The following IDE variants were observed in gnomAD, a reference collection of about 807,000 sequenced individuals.
IDE encodes insulin-degrading enzyme.
Under a neutral mutation model 133.2 loss-of-function variants are expected in IDE, and 58 were observed. That is an observed-to-expected ratio of 0.44 (90% CI 0.35 to 0.54). IDE has a LOEUF of 0.54. IDE is among the 20% of genes least tolerant of loss of function. IDE has a pLI of 0.00. For missense variants in IDE, 981 were observed against 1,234.0 expected, an observed-to-expected ratio of 0.79 and a Z score of 3.07; for synonymous variants, 396 against 421.3, an observed-to-expected ratio of 0.94 and a Z score of 0.73.
chr10:92,458,068 G>A (rs550218930), intron 22 of IDE, among the ~76,000 whole-genome samples: 11 of 152,132 alleles, frequency 7.2e-5, no homozygotes, highest in African/African-American at 2.7e-4. Context: ...GCAGACAGCA[G>A]AACACCTTCT....
chr10:92,537,315 C>T (rs993982348), intron 2 of IDE, 51 bp downstream of exon 2: 1 of 1,393,948 alleles, frequency 7.2e-7, no homozygotes, highest in African/African-American at 1.4e-5. Context: ...TAAATGTCAG[C>T]ATTAGGTCAA....
At chr10:92,493,796 A>G (rs1239108874) in intron 11 of IDE, among the ~76,000 whole-genome samples, 1 of 152,188 alleles carries the variant, frequency 6.6e-6, no homozygotes, top group Non-Finnish European at 1.5e-5. Flanking sequence ...GTATATCATT[A>G]AGGAATTCCA....
intron 2 of IDE, among the ~76,000 whole-genome samples, chr10:92,536,899 A>C (rs948268707): frequency 1.3e-5 from 2 of 150,312 alleles, no homozygotes; most frequent in African/African-American, 2.5e-5. Flanking sequence ...TTAGCTGGGC[A>C]TGGAGGCCCA....
At chr10:92,505,003 C>T in intron 10 of IDE, 106 bp from the exon 11 acceptor site, 3 of 572,666 alleles carry the variant, frequency 5.2e-6, no homozygotes, top group Non-Finnish European at 8.9e-6. Flanking sequence ...CCCTTTCTCT[C>T]TTCAGTTAAA....
intron 4 of IDE, among the ~76,000 whole-genome samples, chr10:92,520,122 C>A (rs1013471533): frequency 1.3e-5 from 2 of 152,144 alleles, no homozygotes; most frequent in East Asian, 3.9e-4. Context: ...AATAAATAAT[C>A]CATGTTAAGG....
rs1843431540 is a variant in IDE at position 92,564,617 on chromosome 10, T to C, written c.98+9305A>G. Among the ~76,000 whole-genome samples the C allele has an allele frequency of 2.4e-5, 3 of 125,662 alleles. No homozygotes were observed. The East Asian group carries it at 7.3e-4, about 31-fold the overall frequency. The allele number at this position is 125,662 out of a possible 152,430, so 82.4% of individuals were successfully genotyped here. A position where few individuals can be genotyped will look rare whatever the true frequency, so the allele number is the denominator to read the frequency against. Reference sequence around the variant, plus strand: ...TGAACACGAGAGACAGGGGTTGCAGTAAGCCGAGACTGCGCCACTGCATTC... The same window carrying C: ...TGAACACGAGAGACAGGGGTTGCAGCAAGCCGAGACTGCGCCACTGCATTC... On this transcript the variant is annotated intron_variant, in intron 1 of 24. Transcript: ENST00000265986.
chr10:92,486,378 TG>T (rs1383970649), intron 13 of IDE, among the ~76,000 whole-genome samples: 1 of 151,748 alleles, frequency 6.6e-6, no homozygotes, highest in Non-Finnish European at 1.5e-5. Context: ...TAAAGAAAAA[TG>T]GTTGTCTCAT....
Position 92,511,109 on chromosome 10 carries a change from T to G in IDE, c.785-947A>C, listed in dbSNP as rs563127646. ...TAAAAAAAAAAAAAAAAACTTTTTT[T>G]TTTTTTTTTTGAAGCAAGGTATTGC... On this transcript the variant is annotated intron_variant, in intron 5 of 24. Transcript: ENST00000265986. 1.2e-3 allele frequency among the ~76,000 whole-genome samples: 175 copies of G among 149,610 alleles called. 4 individuals carry two copies. The East Asian group carries it at 0.027, about 23-fold the overall frequency.
chr10:92,520,279 T>C (rs1849152265), intron 4 of IDE, among the ~76,000 whole-genome samples: 1 of 152,242 alleles, frequency 6.6e-6, no homozygotes, highest in Admixed American at 6.5e-5. Context: ...TTAACAACTA[T>C]TTTAAATTCT....
At chr10:92,532,831 A>C (rs923030898) in intron 3 of IDE, among the ~76,000 whole-genome samples, 2 of 152,034 alleles carry the variant, frequency 1.3e-5, no homozygotes, top group Non-Finnish European at 2.9e-5. Context: ...GGCCTAAGGA[A>C]CTCTTGGGTC....
chr10:92,522,312 C>CA (rs1849269601), intron 4 of IDE, among the ~76,000 whole-genome samples: 2 of 152,102 alleles, frequency 1.3e-5, no homozygotes, highest in Non-Finnish European at 2.9e-5. Context: ...TCATGTTCTC[C>CA]AAAAGAAACC....
At chr10:92,465,480 AT>A (rs1845633630) in intron 20 of IDE, among the ~76,000 whole-genome samples, 195 bp downstream of exon 20, 1 of 152,216 alleles carries the variant, frequency 6.6e-6, no homozygotes, top group Non-Finnish European at 1.5e-5. Context: ...CATCTCATAA[AT>A]AATTGCTTTA....
chr10:92,500,270 C>A (rs140405295), intron 11 of IDE, among the ~76,000 whole-genome samples: 1,781 of 151,240 alleles, frequency 0.012, 41 homozygotes, highest in African/African-American at 0.041. Flanking sequence ...GCATTCCAGC[C>A]TGGGCAACAA....
intron 5 of IDE, 82 bp downstream of exon 5, chr10:92,514,838 T>C (rs949022345): frequency 2.6e-6 from 3 of 1,137,956 alleles, no homozygotes; most frequent in Non-Finnish European, 3.8e-6. Context: ...CTCTATCTTA[T>C]ATCCATCTTC....
At chr10:92,455,553 TA>T in intron 24 of IDE, 22 bp downstream of exon 24, 1 of 1,436,248 alleles carries the variant, frequency 7.0e-7, no homozygotes. Flanking sequence ...CAGTACAATC[TA>T]ACATAACGTT....
intron 11 of IDE, among the ~76,000 whole-genome samples, chr10:92,495,102 C>T (rs1309006239): frequency 1.3e-5 from 2 of 149,686 alleles, no homozygotes; most frequent in South Asian, 2.1e-4. Context: ...CTTGCTCTGT[C>T]GCCCAGGCTG....
chr10:92,555,797 T>C (rs1842974751), intron 1 of IDE, among the ~76,000 whole-genome samples: 1 of 152,224 alleles, frequency 6.6e-6, no homozygotes, highest in Non-Finnish European at 1.5e-5. Context: ...TTTCCACTCT[T>C]GCCACTTCTA....
At chr10:92,522,422 T>C (rs184711145) in intron 4 of IDE, among the ~76,000 whole-genome samples, 2 of 152,310 alleles carry the variant, frequency 1.3e-5, no homozygotes, top group East Asian at 1.9e-4. Flanking sequence ...GACTTGATAA[T>C]TGAATTCCAT....
At chr10:92,465,903 C>T in intron 19 of IDE, 60 bp from the exon 20 acceptor site, 1 of 1,388,382 alleles carries the variant, frequency 7.2e-7, no homozygotes, top group South Asian at 1.2e-5. Context: ...TTAATAAAGT[C>T]AATGCTATGT....
Sources: allele counts gnomAD v4.1 joint callset (sites outside exome capture counted in the v4.1 genomes callset), GRCh38; gene constraint gnomAD v4.1.1; transcripts MANE v1.5; gene names NCBI Gene and HGNC (gene_info 2026-07-23, HGNC 2026-07-21).